The following UBASH3B variants were observed in gnomAD, a reference collection of about 807,000 sequenced individuals.
UBASH3B encodes ubiquitin-associated and SH3 domain-containing protein B.
A neutral mutation model predicts 83.4 loss-of-function variants in UBASH3B; 37 were observed. That is an observed-to-expected ratio of 0.44 (90% CI 0.34 to 0.58). The LOEUF is 0.58. UBASH3B is among the 20% of genes least tolerant of loss of function. UBASH3B has a pLI of 0.01. For missense variants in UBASH3B, 657 were observed against 827.2 expected, an observed-to-expected ratio of 0.79 and a Z score of 2.52; for synonymous variants, 304 against 318.3, an observed-to-expected ratio of 0.96 and a Z score of 0.48.
At chr11:122,740,216 T>C (rs1225078524) in intron 1 of UBASH3B, among the ~76,000 whole-genome samples, 2 of 152,226 alleles carry the variant, frequency 1.3e-5, no homozygotes, top group Admixed American at 1.3e-4. Flanking sequence ...AGACTGTGAA[T>C]AGGTTAATTT....
chr11:122,706,102 CTTTCTTTTTTTTTTTTTCT>C (rs1303626256), intron 1 of UBASH3B, among the ~76,000 whole-genome samples: 9 of 120,404 alleles, frequency 7.5e-5, no homozygotes, highest in African/African-American at 2.5e-4. Context: ...TAATTCTTTT[CTTTCTTTTTTTTTTTTTCT>C]TTTTTTTTTT....
chr11:122,697,073 A>G (rs1863973781), intron 1 of UBASH3B, among the ~76,000 whole-genome samples: 1 of 152,212 alleles, frequency 6.6e-6, no homozygotes, highest in Non-Finnish European at 1.5e-5. Flanking sequence ...AGTAATCTAC[A>G]TAGCAGCCAT....
intron 1 of UBASH3B, among the ~76,000 whole-genome samples, chr11:122,727,039 G>A (rs986601890): frequency 6.6e-6 from 1 of 152,180 alleles, no homozygotes; most frequent in Non-Finnish European, 1.5e-5. Context: ...ATTGCTAATT[G>A]TTAACAAGTT....
At chr11:122,797,382 A>C in intron 9 of UBASH3B, 1 of 178,276 alleles carries the variant, frequency 5.6e-6, no homozygotes. Context: ...AAGAAGATGG[A>C]CCCTGGACTT....
chr11:122,796,378 C>G, intron 8 of UBASH3B, 102 bp downstream of exon 8: 1 of 1,516,480 alleles, frequency 6.6e-7, no homozygotes. Flanking sequence ...CATAGTTTTG[C>G]GTACTATAGA....
chr11:122,803,256 C>G (rs532010458), intron 11 of UBASH3B, among the ~76,000 whole-genome samples: 2 of 152,146 alleles, frequency 1.3e-5, no homozygotes, highest in African/African-American at 4.8e-5. Flanking sequence ...GGGACAGCCC[C>G]GGAGTTTAAT....
At chr11:122,740,072 A>C (rs1894086) in intron 1 of UBASH3B, among the ~76,000 whole-genome samples, 1 of 152,018 alleles carries the variant, frequency 6.6e-6, no homozygotes, top group Non-Finnish European at 1.5e-5. Context: ...CCATTTTGTC[A>C]TATTCATTTA....
intron 1 of UBASH3B, among the ~76,000 whole-genome samples, chr11:122,722,891 GA>G (rs1860665221): frequency 6.6e-6 from 1 of 152,076 alleles, no homozygotes; most frequent in African/African-American, 2.4e-5. Flanking sequence ...ATTTTTAGTA[GA>G]GGCGGGGTTT....
At chr11:122,755,310 GC>G (rs1168026091) in intron 1 of UBASH3B, among the ~76,000 whole-genome samples, 1 of 152,092 alleles carries the variant, frequency 6.6e-6, no homozygotes. Flanking sequence ...TTCCCACCTC[GC>G]CCATGCAGAA....
chr11:122,725,638 A>G (rs1860725473), intron 1 of UBASH3B, among the ~76,000 whole-genome samples: 1 of 152,162 alleles, frequency 6.6e-6, no homozygotes, highest in Non-Finnish European at 1.5e-5. Context: ...CTGCAAATGT[A>G]GCCTACTCAG....
At chr11:122,687,308 G>A (rs1209591241) in intron 1 of UBASH3B, among the ~76,000 whole-genome samples, 1 of 152,176 alleles carries the variant, frequency 6.6e-6, no homozygotes, top group African/African-American at 2.4e-5. Flanking sequence ...TACATATAAG[G>A]TCACGGTATT....
intron 1 of UBASH3B, among the ~76,000 whole-genome samples, chr11:122,696,401 C>T (rs1863966233): frequency 6.6e-6 from 1 of 150,710 alleles, no homozygotes; most frequent in Non-Finnish European, 1.5e-5. Context: ...ACCTCTGCCT[C>T]CCGGGTTCAA....
chr11:122,744,326 G>A (rs995753694), intron 1 of UBASH3B, among the ~76,000 whole-genome samples: 1 of 152,136 alleles, frequency 6.6e-6, no homozygotes, highest in African/African-American at 2.4e-5. Flanking sequence ...TGATAGTGTA[G>A]GTGTGACTGT....
intron 1 of UBASH3B, among the ~76,000 whole-genome samples, chr11:122,700,786 AGCACCTG>A (rs1453926894): frequency 1.3e-5 from 2 of 152,158 alleles, no homozygotes; most frequent in Non-Finnish European, 2.9e-5. Flanking sequence ...CATGAGCCAA[AGCACCTG>A]GCCTACTTCT....
intron 1 of UBASH3B, among the ~76,000 whole-genome samples, chr11:122,773,790 A>G (rs1290053468): frequency 6.6e-6 from 1 of 152,162 alleles, no homozygotes; most frequent in African/African-American, 2.4e-5. Context: ...ACTTAATTAG[A>G]TCTTTCATTT....
intron 1 of UBASH3B, among the ~76,000 whole-genome samples, chr11:122,729,401 C>A (rs2036685873): frequency 6.6e-6 from 1 of 152,104 alleles, no homozygotes; most frequent in African/African-American, 2.4e-5. Context: ...GAAGTCAGGA[C>A]CTTCATTGGC....
At chr11:122,674,900 C>T (rs778278393) in intron 1 of UBASH3B, among the ~76,000 whole-genome samples, 1 of 150,808 alleles carries the variant, frequency 6.6e-6, no homozygotes, top group African/African-American at 2.4e-5. Context: ...GGCTAATTTT[C>T]GTATTTTTTG....
At chr11:122,807,455 T>C (rs905180883) in intron 12 of UBASH3B, among the ~76,000 whole-genome samples, 4 of 152,250 alleles carry the variant, frequency 2.6e-5, no homozygotes, top group African/African-American at 9.6e-5. Flanking sequence ...ACCATAGTTA[T>C]GTAAGATGTT....
At position 122,736,763 on chromosome 11, in the gene UBASH3B, C is replaced by T. The variant is rs1021795407; in HGVS notation, c.162-39456C>T. On this transcript the variant is annotated intron_variant, in intron 1 of 13. Coordinates refer to ENST00000284273, the MANE Select transcript of UBASH3B (RefSeq NM_032873.5). ...ATGTGTAACTGGGAGATTTAAGGAT[C>T]GGGAAGCCAGGCGTGGTGGTTCACA... is the stretch of plus-strand genomic sequence containing the variant. 2.6e-5 allele frequency among the ~76,000 whole-genome samples: 4 copies of T among 152,028 alleles called. No individual in the cohort carries two copies. In the South Asian group the frequency reaches 6.2e-4, roughly 24 times the overall value.
Sources: gnomAD v4.1 joint callset for allele counts (sites outside exome capture counted in the v4.1 genomes callset) on GRCh38, gnomAD v4.1.1 for gene constraint, MANE v1.5 for transcripts, NCBI Gene and HGNC (gene_info 2026-07-23, HGNC 2026-07-21) for gene names.